FGF13: variants seen among roughly 807,000 people sequenced by gnomAD.
FGF13 encodes the protein fibroblast growth factor homologous factor 2.
In FGF13, 2 loss-of-function variants were observed where a neutral mutation model predicts 19.5. The observed-to-expected ratio is 0.10, with a 90% CI of 0.04 to 0.32. The LOEUF (loss-of-function observed/expected upper bound fraction) is 0.32. Ranked by LOEUF, FGF13 falls within the 10% of genes least tolerant of loss-of-function variation. FGF13 has a pLI of 1.00. For synonymous variants in FGF13, 72 were observed against 76.9 expected (o/e 0.94, Z 0.33); for missense variants, 113 against 192.7 (o/e 0.59, Z 2.45).
At chrX:138,967,374 C>A (rs1475361305) in intron 1 of FGF13, among the ~76,000 whole-genome samples, 1 of 111,223 alleles carries the variant, frequency 9.0e-6, no homozygotes, top group African/African-American at 3.3e-5. Context: ...AAAATCATTG[C>A]ACACTAAGCT....
At chrX:138,698,539 AG>A (rs750803336) in intron 3 of FGF13, among the ~76,000 whole-genome samples, 38 of 111,931 alleles carry the variant, frequency 3.4e-4, no homozygotes, top group Non-Finnish European at 6.4e-4. Flanking sequence ...TTCTGACTTC[AG>A]TGGCGTGTCC....
At chrX:138,848,921 T>C (rs2091203251) in intron 3 of FGF13, among the ~76,000 whole-genome samples, 1 of 112,068 alleles carries the variant, frequency 8.9e-6, no homozygotes, top group African/African-American at 3.2e-5. Context: ...ATTTTCTTCA[T>C]GAAGGAAGCA....
chrX:138,919,151 G>GA (rs2091632245), intron 1 of FGF13, among the ~76,000 whole-genome samples: 1 of 111,721 alleles, frequency 9.0e-6, no homozygotes, highest in African/African-American at 3.3e-5. Context: ...ATGTATGCAT[G>GA]AAAAAATACA....
At chrX:138,689,902 C>T (rs192805373) in intron 3 of FGF13, among the ~76,000 whole-genome samples, 1 of 112,169 alleles carries the variant, frequency 8.9e-6, no homozygotes, top group African/African-American at 3.2e-5. Flanking sequence ...AATCGTTTGA[C>T]TGAAATACCC....
intron 1 of FGF13, among the ~76,000 whole-genome samples, chrX:138,921,447 G>T (rs1041867074): frequency 9.0e-6 from 1 of 111,483 alleles, no homozygotes; most frequent in Non-Finnish European, 1.9e-5. Flanking sequence ...CTCCAATGTA[G>T]CCCTGACCGT....
intron 3 of FGF13, among the ~76,000 whole-genome samples, chrX:138,692,720 A>G (rs769025699): frequency 5.5e-5 from 6 of 108,694 alleles, no homozygotes; most frequent in East Asian, 2.9e-4. Context: ...GCATGTGTGT[A>G]TGTGTGTGTG....
intron 1 of FGF13, among the ~76,000 whole-genome samples, chrX:139,106,615 G>C (rs912219506): frequency 8.9e-6 from 1 of 111,969 alleles, no homozygotes; most frequent in African/African-American, 3.3e-5. Context: ...TCTAGTAGCT[G>C]ATTTAAATAT....
In FGF13 at chrX:138,622,192, T is replaced by C. The variant is rs1273060979; in HGVS notation, c.*10658A>G. ...GTCCCAAATCCCTGTTGAACATAGATGCAAAAATCCACAACAAAATACTAG... is the reference window on the plus strand; with the variant it reads ...GTCCCAAATCCCTGTTGAACATAGACGCAAAAATCCACAACAAAATACTAG... On this transcript the variant is annotated 3_prime_UTR_variant, in exon 5 of 5. Transcript: ENST00000315930. 1 of 111,153 alleles carries C rather than the reference T, an allele frequency of 9.0e-6. No individual in the cohort carries two copies. Among genetic ancestry groups the C allele is most frequent in the Non-Finnish European group, 1.9e-5 (1 of 52,955 alleles). The allele number at this position is 111,153 out of a possible 1,213,427, so 9.2% of individuals were successfully genotyped here. A position where few individuals can be genotyped will look rare whatever the true frequency, so the allele number is the denominator to read the frequency against.
chrX:138,708,784 G>T, intron 2 of FGF13, 34 bp downstream of exon 2: 1 of 865,518 alleles, frequency 1.2e-6, no homozygotes. Flanking sequence ...TTAACAACAT[G>T]CTGGCATATA....
chrX:138,805,202 A>G (rs1407837743), intron 3 of FGF13, among the ~76,000 whole-genome samples: 1 of 111,905 alleles, frequency 8.9e-6, no homozygotes, highest in Admixed American at 9.5e-5. Context: ...GATAACAAAA[A>G]TCATCTATAT....
chrX:139,083,322 A>T (rs1310062310), intron 1 of FGF13, among the ~76,000 whole-genome samples: 1 of 111,799 alleles, frequency 8.9e-6, no homozygotes, highest in Admixed American at 9.5e-5. Flanking sequence ...ATCGTGCCCC[A>T]GTGCTCAGAA....
chrX:138,906,745 T>C (rs945065682), intron 1 of FGF13, among the ~76,000 whole-genome samples: 1 of 110,909 alleles, frequency 9.0e-6, no homozygotes, highest in African/African-American at 3.3e-5. Context: ...AATCAGGCTA[T>C]TGGTATAGCA....
intron 1 of FGF13, among the ~76,000 whole-genome samples, chrX:138,944,539 T>C (rs1177515882): frequency 9.0e-6 from 1 of 110,743 alleles, no homozygotes; most frequent in Non-Finnish European, 1.9e-5. Context: ...GGAATTATTA[T>C]GTGATAAAGG....
At chrX:139,179,587 A>C (rs1394367815) in intron 1 of FGF13, among the ~76,000 whole-genome samples, 1 of 112,063 alleles carries the variant, frequency 8.9e-6, no homozygotes, top group Non-Finnish European at 1.9e-5. Flanking sequence ...TCACTTTCAT[A>C]ATCTCTTAGT....
At chrX:138,633,959 C>G (rs1305499191) in intron 4 of FGF13, among the ~76,000 whole-genome samples, 1 of 111,580 alleles carries the variant, frequency 9.0e-6, no homozygotes, top group African/African-American at 3.3e-5. Flanking sequence ...GGCTAGTAAT[C>G]TCTTTGAAGT....
intron 3 of FGF13, among the ~76,000 whole-genome samples, chrX:138,783,704 T>C (rs1302202343): frequency 3.8e-5 from 4 of 104,426 alleles, no homozygotes; most frequent in African/African-American, 1.4e-4. Flanking sequence ...GGAACACTTT[T>C]ACACTGTTGG....
chrX:139,162,450 C>T (rs910734344), intron 1 of FGF13, among the ~76,000 whole-genome samples: 5 of 112,008 alleles, frequency 4.5e-5, no homozygotes, highest in Non-Finnish European at 9.4e-5. Flanking sequence ...AGAAGAAAAC[C>T]TAGGCAATAC....
At position 138,893,704 on chromosome X, in the gene FGF13, G is replaced by A. The variant is rs530908687; in HGVS notation, c.-112-29054C>T. On this transcript the variant is annotated intron_variant, in intron 1 of 2. Transcript: ENST00000421460. ...CTATATTGGTAACACTTCACTAGGT[G>A]GATAACGTGAAATAAGTCTGAATTA... Among the ~76,000 whole-genome samples the A allele has an allele frequency of 3.4e-4, 38 of 111,942 alleles. 1 individual carries two copies. In the South Asian group the frequency reaches 0.014, roughly 43 times the overall value.
At chrX:138,707,411 A>G (rs2090002755) in intron 2 of FGF13, among the ~76,000 whole-genome samples, 1 of 111,345 alleles carries the variant, frequency 9.0e-6, no homozygotes, top group African/African-American at 3.3e-5. Flanking sequence ...CTTGCCTTCA[A>G]TAATGCTCAA....
Sources: gnomAD v4.1 joint callset for allele counts (sites outside exome capture counted in the v4.1 genomes callset) on GRCh38, gnomAD v4.1.1 for gene constraint, MANE v1.5 for transcripts, NCBI Gene and HGNC (gene_info 2026-07-23, HGNC 2026-07-21) for gene names.